The following NEBL variants were observed in gnomAD, a reference collection of about 807,000 sequenced individuals.
The protein encoded by NEBL is LIM and SH3 protein 2.
NEBL carries 122 observed loss-of-function variants against 140.2 expected under a neutral mutation model. The ratio of observed to expected loss-of-function variants is 0.87; its 90% CI spans 0.75 to 1.01. NEBL has a LOEUF of 1.01. Among genes scored for constraint, NEBL ranks in the 50% least tolerant of loss-of-function variants. NEBL has a pLI of 0.00. For missense variants in NEBL, 1,365 were observed against 1,231.3 expected (o/e 1.11, Z -1.62); for synonymous variants, 436 against 398.9 (o/e 1.09, Z -1.11).
chr10:21,221,461 CA>C (rs1467308019), intron 3 of NEBL, among the ~76,000 whole-genome samples: 2 of 152,134 alleles, frequency 1.3e-5, no homozygotes, highest in African/African-American at 4.8e-5. Context: ...TGCATTCTTT[CA>C]AGTCCTACCT....
upstream of NEBL, chr10:20,897,532 C>T (rs1313391398): frequency 8.3e-6 from 9 of 1,087,532 alleles, no homozygotes; most frequent in Admixed American, 4.8e-5. Flanking sequence ...TTTACTAATT[C>T]TATTCATTCA....
intron 3 of NEBL, among the ~76,000 whole-genome samples, chr10:21,198,243 C>T (rs1841682911): frequency 6.6e-6 from 1 of 152,158 alleles, no homozygotes; most frequent in African/African-American, 2.4e-5. Context: ...CCTCTTAGCT[C>T]ATGAGAAAAC....
chr10:21,074,763 C>T (rs1160444161), intron 2 of NEBL, among the ~76,000 whole-genome samples: 3 of 151,340 alleles, frequency 2.0e-5, no homozygotes, highest in African/African-American at 7.3e-5. Flanking sequence ...TAGGCGTGAG[C>T]CACTGCACCT....
chr10:21,113,707 T>C (rs536164791), intron 2 of NEBL, among the ~76,000 whole-genome samples: 81 of 152,226 alleles, frequency 5.3e-4, no homozygotes, highest in Middle Eastern at 6.8e-3. Context: ...CCTTGGTTTT[T>C]AGTTTGTATG....
chr10:21,174,141 C>T, exon 1 of NEBL: 1 of 618,450 alleles, frequency 1.6e-6, no homozygotes, highest in Non-Finnish European at 2.1e-6. Context: ...TCGCGCCCGC[C>T]CCTCGCGCTC....
intron 4 of NEBL, among the ~76,000 whole-genome samples, chr10:20,946,460 T>C (rs1589056171): frequency 1.3e-5 from 2 of 152,200 alleles, no homozygotes; most frequent in East Asian, 3.9e-4. Context: ...ATTTTTGTTT[T>C]TTGTTTGTTT....
At chr10:21,029,179 A>G in intron 2 of NEBL, 1 of 1,367,668 alleles carries the variant, frequency 7.3e-7, no homozygotes, top group Non-Finnish European at 1.0e-6. Flanking sequence ...TAATGATAAC[A>G]ATGTGTATAG....
At chr10:20,927,863 C>G (rs770973934) in intron 4 of NEBL, among the ~76,000 whole-genome samples, 11 of 152,134 alleles carry the variant, frequency 7.2e-5, no homozygotes, top group Non-Finnish European at 1.3e-4. Context: ...CCTAGATAGG[C>G]ACGACCAAGT....
At chr10:20,888,335 A>T in intron 3 of NEBL, 128 bp from the exon 4 acceptor site, 1 of 666,886 alleles carries the variant, frequency 1.5e-6, no homozygotes. Context: ...AGACCATTTT[A>T]ATTTTAGATA....
At chr10:20,815,311 G>A (rs1378630672) in intron 22 of NEBL, among the ~76,000 whole-genome samples, 1 of 152,018 alleles carries the variant, frequency 6.6e-6, no homozygotes, top group Non-Finnish European at 1.5e-5. Context: ...ATTATTTAAC[G>A]CACACATCAA....
rs147147865 is a variant in NEBL, at chr10:21,169,049, C to CAAAA, written c.164+3330_164+3333dup. ...GCGCTACAGAGTGAGACTCCGTCTA[C>CAAAA]AAAAAAAAAAAAAAAAAAATATATA... On this transcript the variant is annotated intron_variant, in intron 2 of 6. Transcript: ENST00000417816. Among the ~76,000 whole-genome samples the CAAAA allele has an allele frequency of 1.3e-3, 32 of 25,520 alleles. 2 individuals carry two copies. The highest frequency in any genetic ancestry group is 2.3e-3 in the African/African-American group (16 of 6,952). The allele number at this position is 25,520 out of a possible 152,430, so 16.7% of individuals were successfully genotyped here.
chr10:20,858,702 G>A (rs1389104975), intron 8 of NEBL, among the ~76,000 whole-genome samples: 1 of 151,838 alleles, frequency 6.6e-6, no homozygotes, highest in Non-Finnish European at 1.5e-5. Context: ...GAGATCTGAG[G>A]ATTTTGATGT....
intron 20 of NEBL, among the ~76,000 whole-genome samples, 195 bp from the exon 21 acceptor site, chr10:20,817,887 G>A (rs1838893944): frequency 1.3e-5 from 2 of 152,114 alleles, no homozygotes. Context: ...TGCTGGTACT[G>A]TTTAAATATG....
At chr10:21,200,793 G>T (rs550692593) in intron 3 of NEBL, among the ~76,000 whole-genome samples, 3 of 152,104 alleles carry the variant, frequency 2.0e-5, no homozygotes, top group Non-Finnish European at 2.9e-5. Flanking sequence ...GTGACCTAAG[G>T]TTACAGTGAT....
chr10:20,947,697 A>C (rs1332273443), intron 4 of NEBL, among the ~76,000 whole-genome samples: 1 of 151,828 alleles, frequency 6.6e-6, no homozygotes, highest in East Asian at 1.9e-4. Flanking sequence ...ACACACACAC[A>C]CACACACACA....
chr10:21,164,222 G>C (rs1178970691), intron 2 of NEBL, among the ~76,000 whole-genome samples: 2 of 152,186 alleles, frequency 1.3e-5, no homozygotes, highest in African/African-American at 4.8e-5. Flanking sequence ...TAAAAGCCAA[G>C]GTCTTCCTAG....
intron 3 of NEBL, among the ~76,000 whole-genome samples, chr10:21,240,432 CAA>C (rs1842424177): frequency 6.6e-6 from 1 of 152,178 alleles, no homozygotes; most frequent in Non-Finnish European, 1.5e-5. Flanking sequence ...CACCTGAGGT[CAA>C]GAGTTCGAGA....
At chr10:21,081,787 G>A (rs1836380846) in intron 2 of NEBL, among the ~76,000 whole-genome samples, 2 of 152,182 alleles carry the variant, frequency 1.3e-5, no homozygotes, top group South Asian at 4.1e-4. Flanking sequence ...ATGGAATTGT[G>A]TCATAAGGAC....
At chr10:21,252,560 C>A (rs891850120) in intron 1 of NEBL, among the ~76,000 whole-genome samples, 1 of 152,056 alleles carries the variant, frequency 6.6e-6, no homozygotes, top group Non-Finnish European at 1.5e-5. Context: ...AAAGATACCA[C>A]GTTTTTAAAA....
Sources: allele counts gnomAD v4.1 joint callset (sites outside exome capture counted in the v4.1 genomes callset), GRCh38; gene constraint gnomAD v4.1.1; transcripts MANE v1.5; gene names NCBI Gene and HGNC (gene_info 2026-07-23, HGNC 2026-07-21).